Variants in CIBAR1 observed in about 807,000 individuals in gnomAD.
CIBAR1 encodes the protein CBY1 interacting BAR domain containing 1, also known as CBY1-interacting BAR domain-containing protein 1.
CIBAR1 carries 25 observed loss-of-function variants against 44.0 expected under a neutral mutation model. The ratio of observed to expected loss-of-function variants is 0.57; its 90% CI spans 0.41 to 0.79. CIBAR1 has a LOEUF of 0.79. Among genes scored for constraint, CIBAR1 ranks in the 30% least tolerant of loss-of-function variants. CIBAR1 has a pLI of 0.00. For synonymous variants in CIBAR1, 115 were observed against 119.0 expected (o/e 0.97, Z 0.22); for missense variants, 278 against 344.8 (o/e 0.81, Z 1.53).
chr8:93,703,574 TA>T (rs1374266758), intron 2 of CIBAR1, 45 bp from the exon 3 acceptor site: 1 of 1,190,166 alleles, frequency 8.4e-7, no homozygotes, highest in Admixed American at 2.4e-5. Context: ...ATTTATAGGT[TA>T]AAATGTTAAA....
chr8:93,724,564 G>C, intron 7 of CIBAR1: 1 of 1,272,456 alleles, frequency 7.9e-7, no homozygotes, highest in Non-Finnish European at 1.0e-6. Flanking sequence ...GGGCTCAAGC[G>C]ATCCGCCTGC....
intron 7 of CIBAR1, chr8:93,720,958 C>T (rs1229478209): frequency 6.6e-6 from 1 of 152,144 alleles, no homozygotes; most frequent in Non-Finnish European, 1.5e-5. Flanking sequence ...GAGTCAGCTA[C>T]TGATCTTTGC....
intron 6 of CIBAR1, among the ~76,000 whole-genome samples, chr8:93,716,340 G>A (rs1242123983): frequency 1.3e-5 from 2 of 151,600 alleles, no homozygotes; most frequent in African/African-American, 4.8e-5. Context: ...CACTGCACCC[G>A]GCCTGTGTTT....
At chr8:93,722,521 ACT>A (rs908123550) in intron 7 of CIBAR1, among the ~76,000 whole-genome samples, 20 of 151,872 alleles carry the variant, frequency 1.3e-4, no homozygotes, top group Admixed American at 9.2e-4. Context: ...ACATGATGAA[ACT>A]CTGTCTCTAC....
chr8:93,713,195 G>A (rs1810902314), intron 6 of CIBAR1, among the ~76,000 whole-genome samples: 1 of 151,520 alleles, frequency 6.6e-6, no homozygotes, highest in Admixed American at 6.6e-5. Flanking sequence ...ACCACACCCG[G>A]CTAATTTTTG....
At chr8:93,705,058 A>G in intron 4 of CIBAR1, 48 bp downstream of exon 4, 1 of 1,220,236 alleles carries the variant, frequency 8.2e-7, no homozygotes, top group Non-Finnish European at 1.2e-6. Context: ...GGTATGGAGT[A>G]CAAAAGTAAA....
At position 93,730,161 on chromosome 8, in the gene CIBAR1, A is replaced by G. The variant is rs937830074; in HGVS notation, c.*1864A>G. 18 of 152,238 alleles carry G rather than the reference A, an allele frequency of 1.2e-4. No individual in the cohort carries two copies. The highest frequency in any genetic ancestry group is 4.3e-4 in the African/African-American group (18 of 41,458). The allele number at this position is 152,238 out of a possible 1,614,324, so 9.4% of individuals were successfully genotyped here. Reference sequence around the variant, plus strand: ...TTACTAGGATTATCAGAATTAAATGATAGTTAATTCATACATAATTATACA... The same window carrying G: ...TTACTAGGATTATCAGAATTAAATGGTAGTTAATTCATACATAATTATACA... On this transcript the variant is annotated 3_prime_UTR_variant, in exon 9 of 9. Transcript: ENST00000518322.
At chr8:93,725,347 A>G (rs1811444336) in intron 7 of CIBAR1, among the ~76,000 whole-genome samples, 1 of 152,182 alleles carries the variant, frequency 6.6e-6, no homozygotes. Context: ...AGGTATAAGT[A>G]GTAGAAAAGG....
intron 1 of CIBAR1, 156 bp downstream of exon 1, chr8:93,700,829 C>G: frequency 1.4e-5 from 19 of 1,320,308 alleles, no homozygotes; most frequent in South Asian, 4.9e-5. Context: ...ATTCCTTGGG[C>G]TGCAGCCACC....
chr8:93,721,331 AT>A (rs529428430), intron 7 of CIBAR1, among the ~76,000 whole-genome samples: 264 of 152,314 alleles, frequency 1.7e-3, no homozygotes, highest in African/African-American at 6.1e-3. Flanking sequence ...TTGACATACC[AT>A]TTGTTAACTG....
rs1244639458 is a variant in CIBAR1 at position 93,700,640 on chromosome 8, G to T, written c.-8G>T. 1.3e-6 allele frequency: 2 copies of T among 1,499,968 alleles called. No individual in the cohort carries two copies. The highest frequency in any genetic ancestry group is 2.9e-5 in the East Asian group (1 of 34,164). 92.9% of individuals were successfully genotyped at this position (1,499,968 alleles called of 1,614,324 possible). A position where few individuals can be genotyped will look rare whatever the true frequency, so the allele number is the denominator to read the frequency against. ...CCCCGCAAGGTCCCCGGCCGTGCGC[G>T]AGGCAGCATGATGAGGCGCACCCTG... On this transcript the variant is annotated 5_prime_UTR_variant, in exon 1 of 9. Transcript: ENST00000518322.
chr8:93,702,735 A>G (rs1810413391), intron 2 of CIBAR1, among the ~76,000 whole-genome samples: 1 of 152,190 alleles, frequency 6.6e-6, no homozygotes, highest in Non-Finnish European at 1.5e-5. Flanking sequence ...ACATTCATAT[A>G]CATTTCATTT....
At chr8:93,724,429 A>G (rs1035531618) in intron 7 of CIBAR1, 11 of 431,304 alleles carry the variant, frequency 2.6e-5, no homozygotes, top group East Asian at 2.2e-4. Flanking sequence ...AGCTTAGGTG[A>G]TCCTCCCACC....
chr8:93,716,734 A>G (rs1238351589), intron 6 of CIBAR1, among the ~76,000 whole-genome samples: 1 of 152,160 alleles, frequency 6.6e-6, no homozygotes, highest in Non-Finnish European at 1.5e-5. Flanking sequence ...CCTAGGTTAT[A>G]TAAATACTTG....
intron 6 of CIBAR1, chr8:93,715,346 G>A (rs2130341130): frequency 6.6e-6 from 1 of 152,256 alleles, no homozygotes; most frequent in South Asian, 2.1e-4. Flanking sequence ...AGTATGTAGT[G>A]AAGTAGCTGA....
At chr8:93,701,038 T>C in intron 1 of CIBAR1, 186 bp from the exon 2 acceptor site, 1 of 1,446,352 alleles carries the variant, frequency 6.9e-7, no homozygotes, top group African/African-American at 1.4e-5. Flanking sequence ...TTCCTGTGCC[T>C]ACACAGTCCG....
chr8:93,721,536 A>T (rs1811261632), intron 7 of CIBAR1, among the ~76,000 whole-genome samples: 2 of 152,064 alleles, frequency 1.3e-5, no homozygotes, highest in African/African-American at 4.8e-5. Context: ...ATTTTTTTTT[A>T]ATATCAACTC....
In CIBAR1 at chr8:93,730,305, G is replaced by C. The variant is rs889549212; in HGVS notation, c.*2008G>C. 2 of 152,174 alleles carry C rather than the reference G, an allele frequency of 1.3e-5. No homozygotes were observed. The highest frequency in any genetic ancestry group is 2.4e-5 in the African/African-American group (1 of 41,446). The allele number at this position is 152,174 out of a possible 1,614,324, so 9.4% of individuals were successfully genotyped here. A position where few individuals can be genotyped will look rare whatever the true frequency, so the allele number is the denominator to read the frequency against. On this transcript the variant is annotated 3_prime_UTR_variant, in exon 9 of 9. Transcript: ENST00000518322. The stretch of plus-strand genomic sequence containing the variant: ...ATCAAGAATCACTGCTCTTAACAGT[G>C]ATCTCAGTAAATTAATAGAAATGCA...
chr8:93,726,852 TG>T, intron 8 of CIBAR1: 2 of 347,302 alleles, frequency 5.8e-6, no homozygotes, highest in Non-Finnish European at 1.1e-5. Context: ...CAAAACTTAG[TG>T]GATCTCATTA....
Sources: allele counts gnomAD v4.1 joint callset (sites outside exome capture counted in the v4.1 genomes callset), GRCh38; gene constraint gnomAD v4.1.1; transcripts MANE v1.5; gene names NCBI Gene and HGNC (gene_info 2026-07-23, HGNC 2026-07-21).